Variants in TRPM7 observed in about 807,000 individuals in gnomAD.
The protein encoded by TRPM7 is LTRPC ion channel family member 7.
A neutral mutation model predicts 229.7 loss-of-function variants in TRPM7; 134 were observed. That is an observed-to-expected ratio of 0.58 (90% CI 0.51 to 0.67). TRPM7 has a LOEUF of 0.67. TRPM7 is among the 30% of genes least tolerant of loss of function. The pLI is 0.00. For missense variants in TRPM7, 1,901 were observed against 2,210.0 expected (o/e 0.86, Z 2.80); for synonymous variants, 699 against 715.2 (o/e 0.98, Z 0.36).
At chr15:50,681,315 C>T (rs1421378004) in intron 1 of TRPM7, among the ~76,000 whole-genome samples, 1 of 147,062 alleles carries the variant, frequency 6.8e-6, no homozygotes, top group African/African-American at 2.7e-5. Flanking sequence ...GCAATGGCCA[C>T]AGCTAAATGC....
At chr15:50,605,540 CCTAA>C (rs1350684864) in intron 20 of TRPM7, among the ~76,000 whole-genome samples, 1 of 152,142 alleles carries the variant, frequency 6.6e-6, no homozygotes, top group African/African-American at 2.4e-5. Flanking sequence ...GCTGTATTTA[CCTAA>C]CTAATTTAAA....
At chr15:50,650,191 TCAAAAAAA>T (rs1567082805) in intron 3 of TRPM7, among the ~76,000 whole-genome samples, 1 of 24,408 alleles carries the variant, frequency 4.1e-5, no homozygotes, top group Admixed American at 6.0e-4. Flanking sequence ...AGACTTTGTC[TCAAAAAAA>T]AAAAAAAAAA....
rs767147916 is a variant in TRPM7 at position 50,607,240 on chromosome 15, A to G, written c.2669T>C (p.Ile890Thr). The G allele has an allele frequency of 2.5e-6, 4 of 1,611,880 alleles. No homozygotes were observed. The highest frequency in any genetic ancestry group is 1.7e-4 in the Middle Eastern group (1 of 6,058). Residue 890 changes from isoleucine (I) to threonine (T), a missense_variant, in exon 20 of 39, where the codon ATT becomes ACT. Ile to Thr is a moderately conservative substitution (Grantham distance 89). Around this residue, in one of 8 missense-constraint regions of TRPM7, gnomAD observed 207 missense variants for 241.5 expected, o/e 0.86. Transcript: ENST00000646667. ...AATGGCATAAGTAAAAATATAAGCA[A>G]TAACAATCCATTCTTGAACTGAAGG... Reference protein sequence around the residue: ...QLPSVQEWIVIAYIFTYAIEK... With the variant: ...QLPSVQEWIVTAYIFTYAIEK...
Position 50,583,942 on chromosome 15 carries a change from T to C in TRPM7, c.4487-783A>G, listed in dbSNP as rs192013023. Among the ~76,000 whole-genome samples the C allele has an allele frequency of 1.9e-3, 291 of 152,316 alleles. 1 individual carries two copies. Among genetic ancestry groups the C allele is most frequent in the African/African-American group, 6.4e-3 (267 of 41,572 alleles). On this transcript the variant is annotated intron_variant, in intron 28 of 38. Transcript: ENST00000646667. ...CTTTCGATGCTCTCTTTATTTCATA[T>C]TGGATACACATTAATGTATTTAAAC...
chr15:50,655,151 C>T (rs1473467514), intron 3 of TRPM7, among the ~76,000 whole-genome samples: 1 of 137,336 alleles, frequency 7.3e-6, no homozygotes, highest in Non-Finnish European at 1.6e-5. Flanking sequence ...AAAAAAACTT[C>T]CTGGCCAAAT....
chr15:50,641,879 A>G (rs772982611), intron 5 of TRPM7, among the ~76,000 whole-genome samples: 19 of 152,004 alleles, frequency 1.2e-4, no homozygotes, highest in Non-Finnish European at 2.4e-4. Context: ...GGGCACCTGT[A>G]ATCCCAGCTA....
rs573426208 is a variant in TRPM7, at chr15:50,629,312, G to A, written c.1205-1063C>T. Reference sequence around the variant, plus strand: ...TTCTGAGACCGAGTCTCTCCCTGTTGTCCAGGCTGGAGTGCAGTGGCGTGG... The same window carrying A: ...TTCTGAGACCGAGTCTCTCCCTGTTATCCAGGCTGGAGTGCAGTGGCGTGG... On this transcript the variant is annotated intron_variant, in intron 10 of 38. Coordinates refer to ENST00000646667, the MANE Select transcript of TRPM7 (RefSeq NM_017672.6). 1.4e-3 allele frequency among the ~76,000 whole-genome samples: 205 copies of A among 149,626 alleles called. 8 individuals are homozygous for A. The highest frequency in any genetic ancestry group is 2.1e-3 in the Non-Finnish European group (142 of 67,592).
At chr15:50,599,004 G>A (rs1005885143) in intron 22 of TRPM7, 118 bp downstream of exon 22, 1 of 725,498 alleles carries the variant, frequency 1.4e-6, no homozygotes, top group Non-Finnish European at 2.2e-6. Context: ...ACGCCTTTGT[G>A]TGGGGCTTAG....
Position 50,628,855 on chromosome 15 carries a change from G to A in TRPM7, c.1205-606C>T, listed in dbSNP as rs565221150. ...TAGGATTCTGAAAATAGCCTGCCAG[G>A]CACCTTTCTGTGCACATACAAGCTC... On this transcript the variant is annotated intron_variant, in intron 10 of 38. Coordinates refer to ENST00000646667, the MANE Select transcript of TRPM7 (RefSeq NM_017672.6). Among the ~76,000 whole-genome samples, 106 of 152,238 alleles carry A rather than the reference G, an allele frequency of 7.0e-4. 1 individual carries two copies. Among genetic ancestry groups the A allele is most frequent in the African/African-American group, 2.3e-3 (94 of 41,544 alleles).
chr15:50,600,974 T>C (rs1381587789), intron 21 of TRPM7, among the ~76,000 whole-genome samples: 4 of 152,212 alleles, frequency 2.6e-5, no homozygotes, highest in East Asian at 3.8e-4. Flanking sequence ...AATGCCTTCA[T>C]TGAGCATTTG....
rs1472860996 is a variant in TRPM7 at position 50,612,624 on chromosome 15, T to C, written c.1976A>G (p.Tyr659Cys). ...MAKALVACKIYRSMAYEAKQS... is the reference protein window; with the variant it reads ...MAKALVACKICRSMAYEAKQS... The stretch of plus-strand genomic sequence containing the variant: ...CTTTGCTTCATATGCCATTGAACGA[T>C]AGATCTTACAGGCAACTAATGCTTT... Residue 659 changes from tyrosine (Y) to cysteine (C), a missense_variant, in exon 16 of 39, where the codon TAT becomes TGT. By Grantham distance (194) the Tyr-to-Cys change is radical. Around this residue, in one of 8 missense-constraint regions of TRPM7, gnomAD observed 794 missense variants for 881.9 expected, o/e 0.90. Transcript: ENST00000646667. 6.2e-7 allele frequency: 1 copy of C among 1,614,198 alleles called. No individual in the cohort carries two copies. Among genetic ancestry groups the C allele is most frequent in the South Asian group, 1.1e-5 (1 of 91,090 alleles).
Position 50,606,928 on chromosome 15 carries a change from AAAAC to A in TRPM7, c.2709+268_2709+271del, listed in dbSNP as rs202170031. On this transcript the variant is annotated intron_variant, in intron 20 of 38. Coordinates refer to ENST00000646667, the MANE Select transcript of TRPM7 (RefSeq NM_017672.6). ...GCAAAAATGTGAATGTTCAGGAAAT[AAAAC>A]AAACAAACAAAATACAGGTTACATT... 7.5e-3 allele frequency among the ~76,000 whole-genome samples: 1,146 copies of A among 152,328 alleles called. 15 individuals carry two copies. Among genetic ancestry groups the A allele is most frequent in the African/African-American group, 0.02 (832 of 41,568 alleles).
In TRPM7 at chr15:50,648,872, G is replaced by A. The variant is rs1217341334; in HGVS notation, c.136C>T (p.Arg46Cys). The A allele has an allele frequency of 5.0e-6, 8 of 1,604,726 alleles. No homozygotes were observed. The highest frequency in any genetic ancestry group is 4.5e-5 in the East Asian group (2 of 44,616). Residue 46 changes from arginine (R) to cysteine (C), a missense_variant, in exon 4 of 39, where the codon CGC becomes TGC. Transcript: ENST00000646667. ...AAACAAGCATGTTGCTTGACCAAGC[G>A]ACCACAAAAACACCTAAAAGAAAAA... ...CQQLVRCFCG[R>C]LVKQHACFTA...
chr15:50,606,298 G>C (rs1297644148), intron 20 of TRPM7, among the ~76,000 whole-genome samples: 3 of 151,978 alleles, frequency 2.0e-5, no homozygotes, highest in Non-Finnish European at 2.9e-5. Flanking sequence ...AGAATCGCTT[G>C]AACCCGGGAG....
chr15:50,610,051 GA>G (rs1170531495), intron 17 of TRPM7, 90 bp from the exon 18 acceptor site: 6 of 1,007,140 alleles, frequency 6.0e-6, no homozygotes, highest in Non-Finnish European at 8.3e-6. Context: ...AACAATAAAA[GA>G]TTTTAAATAT....
At chr15:50,563,322 T>TA (rs2053415046) in intron 38 of TRPM7, among the ~76,000 whole-genome samples, 1 of 152,214 alleles carries the variant, frequency 6.6e-6, no homozygotes, top group Non-Finnish European at 1.5e-5. Context: ...ACATCATAGA[T>TA]ACAAGCTATG....
rs60939201 is a variant in TRPM7 at position 50,638,358 on chromosome 15, C to CAA, written c.661-767_661-766dup. 1.4e-4 allele frequency among the ~76,000 whole-genome samples: 6 copies of CAA among 42,284 alleles called. 1 individual carries two copies. Among genetic ancestry groups the CAA allele is most frequent in the African/African-American group, 4.9e-4 (4 of 8,106 alleles). 27.7% of individuals were successfully genotyped at this position (42,284 alleles called of 152,430 possible). A position where few individuals can be genotyped will look rare whatever the true frequency, so the allele number is the denominator to read the frequency against. ...TGGGCGACAGAGCGAGACTCCGTCT[C>CAA]AAAAAAAAAAAAAAAAAAAAAAAAA... is the stretch of plus-strand genomic sequence containing the variant. On this transcript the variant is annotated intron_variant, in intron 6 of 38. Coordinates refer to ENST00000646667, the MANE Select transcript of TRPM7 (RefSeq NM_017672.6).
intron 1 of TRPM7, among the ~76,000 whole-genome samples, chr15:50,682,040 T>C (rs1186822694): frequency 6.6e-6 from 1 of 151,790 alleles, no homozygotes; most frequent in Non-Finnish European, 1.5e-5. Flanking sequence ...TAGTCAGGCA[T>C]GGTGGCAGGC....
intron 37 of TRPM7, 47 bp downstream of exon 37, chr15:50,570,057 T>C (rs752241972): frequency 6.3e-7 from 1 of 1,591,858 alleles, no homozygotes. Flanking sequence ...CAGGTACAAA[T>C]ATAAAATGTG....
Sources: gnomAD v4.1 joint callset for allele counts (sites outside exome capture counted in the v4.1 genomes callset) on GRCh38, gnomAD v4.1.1 for gene constraint, gnomAD v4.1.1 regional missense constraint, MANE v1.5 for transcripts, NCBI Gene and HGNC (gene_info 2026-07-23, HGNC 2026-07-21) for gene names.